Variants in SLC25A6 observed in about 807,000 individuals in gnomAD.
SLC25A6 encodes the protein solute carrier family 25 member 6, also known as ADP/ATP translocase 3.
In SLC25A6, 9 loss-of-function variants were observed where a neutral mutation model predicts 25.7. The observed-to-expected ratio is 0.35, with a 90% CI of 0.21 to 0.61. SLC25A6 has a LOEUF of 0.61. Ranked by LOEUF, SLC25A6 falls within the 20% of genes least tolerant of loss-of-function variation. The pLI, the probability that SLC25A6 is intolerant of heterozygous loss-of-function variation, is 0.76. For synonymous variants in SLC25A6, 223 were observed against 197.0 expected, an observed-to-expected ratio of 1.13 and a Z score of -1.11; for missense variants, 404 against 440.5, an observed-to-expected ratio of 0.92 and a Z score of 0.74.
rs750914630 is a variant in SLC25A6, at chrX:1,389,541, G to C, written c.298C>G (p.Leu100Val). 1.2e-6 allele frequency: 2 copies of C among 1,614,196 alleles called. No homozygotes were observed. The highest frequency in any genetic ancestry group is 2.2e-5 in the East Asian group (1 of 44,876). The change falls in exon 2 of 4, where the codon CTG becomes GTG. Residue 100 changes from leucine (L) to valine (V), a missense_variant. Physicochemically the swap from Leu to Val is conservative, Grantham distance 32. Transcript: ENST00000381401. The part of the protein sequence containing the change: ...AFKDKYKQIF[L>V]GGVDKHTQFW... ...TGCGTGTGCTTGTCCACGCCCCCCA[G>C]GAAGATCTGCTTGTACTTATCCTTG...
intron 1 of SLC25A6, among the ~76,000 whole-genome samples, chrX:1,391,675 T>C (rs1160416614): frequency 6.6e-6 from 1 of 152,198 alleles, no homozygotes; most frequent in African/African-American, 2.4e-5. Flanking sequence ...CGTGCCGCAT[T>C]TCCCCCCGCC....
In SLC25A6 at chrX:1,386,703, C is replaced by G. The variant is rs746428369; in HGVS notation, c.796G>C (p.Gly266Arg). The G allele has an allele frequency of 1.9e-6, 3 of 1,612,756 alleles. No homozygotes were observed. Among genetic ancestry groups the G allele is most frequent in the Admixed American group, 3.3e-5 (2 of 59,894 alleles). Residue 266 changes from glycine (G) to arginine (R), a missense_variant, in exon 4 of 4, where the codon GGG becomes CGG. Transcript: ENST00000381401. ...GCACCCTTGAAGAAGGCCTTGCCCC[C>G]CTCATCTCTGAAGATCTTCCTCCAA... ...DCWRKIFRDE[G>R]GKAFFKGAWS...
At chrX:1,387,220 T>C (rs4933151) in intron 3 of SLC25A6, 59 bp downstream of exon 3, 914,559 of 1,591,970 alleles carry the variant, frequency 0.57, 267,068 homozygotes, top group African/African-American at 0.76. Flanking sequence ...CCCACGGGCC[T>C]AGGGCAAGGA....
intron 2 of SLC25A6, among the ~76,000 whole-genome samples, chrX:1,387,834 A>G (rs1220582096): frequency 1.3e-5 from 2 of 152,178 alleles, no homozygotes; most frequent in Non-Finnish European, 1.5e-5. Flanking sequence ...GTAAGACTAA[A>G]GGAGGCCAGT....
In SLC25A6 at chrX:1,386,634, C is replaced by G. The variant is rs1395775351; in HGVS notation, c.865G>C (p.Val289Leu). 7 of 1,596,442 alleles carry G rather than the reference C, an allele frequency of 4.4e-6. No individual in the cohort carries two copies. The highest frequency in any genetic ancestry group is 5.1e-6 in the Non-Finnish European group (6 of 1,171,592). ...LRGMGGAFVL[V>L]LYDELKKVI ...ACCTTCTTGAGCTCGTCGTACAGGA[C>G]CAGCACGAAGGCGCCCCCCATGCCC... The change falls in exon 4 of 4, where the codon GTC (valine) becomes CTC (leucine). Residue 289 changes from valine (V) to leucine (L), a missense_variant. Transcript: ENST00000381401.
chrX:1,391,671 G>A (rs773139894), intron 1 of SLC25A6, among the ~76,000 whole-genome samples: 49 of 152,348 alleles, frequency 3.2e-4, no homozygotes, highest in African/African-American at 1.1e-3. Flanking sequence ...AATCCGTGCC[G>A]CATTTCCCCC....
At chrX:1,386,918 C>T (rs1395457907) in intron 3 of SLC25A6, among the ~76,000 whole-genome samples, 159 bp from the exon 4 acceptor site, 1 of 152,100 alleles carries the variant, frequency 6.6e-6, no homozygotes, top group Non-Finnish European at 1.5e-5. Context: ...CAGCTCAAGC[C>T]CTCCTCCTAA....
intron 1 of SLC25A6, among the ~76,000 whole-genome samples, 159 bp from the exon 2 acceptor site, chrX:1,389,886 TAGCTGGG>T (rs2089379066): frequency 6.6e-6 from 1 of 151,916 alleles, no homozygotes; most frequent in Non-Finnish European, 1.5e-5. Context: ...GCCTCCCGAG[TAGCTGGG>T]ACTATAGGCG....
At chrX:1,390,506 A>T (rs2089388476) in intron 1 of SLC25A6, among the ~76,000 whole-genome samples, 1 of 150,738 alleles carries the variant, frequency 6.6e-6, no homozygotes, top group Admixed American at 6.7e-5. Flanking sequence ...TGAACCCAGG[A>T]GGCGGAGGCT....
intron 2 of SLC25A6, among the ~76,000 whole-genome samples, chrX:1,388,509 C>T (rs1156505821): frequency 1.3e-5 from 2 of 151,502 alleles, no homozygotes; most frequent in South Asian, 2.1e-4. Flanking sequence ...GAATCAATGT[C>T]TGTTGTTTCT....
intron 1 of SLC25A6, among the ~76,000 whole-genome samples, chrX:1,391,625 C>G (rs1424797448): frequency 4.6e-5 from 7 of 152,242 alleles, no homozygotes; most frequent in Non-Finnish European, 1.0e-4. Context: ...CCGCAGGGTC[C>G]GTCCATGGGC....
rs1308946407 is a variant in SLC25A6 at position 1,392,083 on chromosome X, G to A, written c.-74C>T. On this transcript the variant is annotated 5_prime_UTR_variant, in exon 1 of 4. Coordinates refer to ENST00000381401, the MANE Select transcript of SLC25A6 (RefSeq NM_001636.4). ...GGAGAGTGAATGGAGGGCGTCGCTG[G>A]CTCAGCCCTGCCGCCGCCTGGACCG... 9.0e-6 allele frequency: 10 copies of A among 1,116,448 alleles called. No homozygotes were observed. The highest frequency in any genetic ancestry group is 1.2e-5 in the Non-Finnish European group (9 of 761,002). 69.2% of individuals were successfully genotyped at this position (1,116,448 alleles called of 1,614,324 possible).
At chrX:1,387,528 C>A in intron 2 of SLC25A6, 109 bp from the exon 3 acceptor site, 4 of 1,482,058 alleles carry the variant, frequency 2.7e-6, no homozygotes, top group Non-Finnish European at 3.6e-6. Context: ...CGAGCTCTTC[C>A]GAGACCACCA....
rs1478291626 is a variant in SLC25A6 at position 1,389,322 on chromosome X, G to A, written c.517C>T (p.Leu173=). The A allele has an allele frequency of 1.2e-6, 2 of 1,613,788 alleles. No individual in the cohort carries two copies. The highest frequency in any genetic ancestry group is 1.7e-6 in the Non-Finnish European group (2 of 1,179,874). Residue 173 remains leucine (L), a synonymous_variant, in exon 2 of 4, where the codon CTG becomes TTG. Coordinates refer to ENST00000381401, the MANE Select transcript of SLC25A6 (RefSeq NM_001636.4). ...KITKSDGIRG[L]YQGFSVSVQG... ...ACGGAGACACTGAAGCCCTGGTACA[G>A]GCCCCGGATGCCGTCGGACTTGGTG...
chrX:1,389,553 T>C lies in SLC25A6; in HGVS notation c.286A>G (p.Lys96Glu). The C allele has an allele frequency of 2.5e-6, 4 of 1,614,198 alleles. No individual in the cohort carries two copies. The highest frequency in any genetic ancestry group is 3.4e-6 in the Non-Finnish European group (4 of 1,180,034). Reference sequence around the variant, plus strand: ...TCCACGCCCCCCAGGAAGATCTGCTTGTACTTATCCTTGAAGGCGAAGTTG... The same window carrying C: ...TCCACGCCCCCCAGGAAGATCTGCTCGTACTTATCCTTGAAGGCGAAGTTG... ...ALNFAFKDKY[K>E]QIFLGGVDKH... is the part of the protein sequence containing the mutation. Residue 96 changes from lysine (K) to glutamate (E), a missense_variant, in exon 2 of 4, where the codon AAG becomes GAG. Coordinates refer to ENST00000381401, the MANE Select transcript of SLC25A6 (RefSeq NM_001636.4).
rs1253604934 is a variant in SLC25A6, at chrX:1,386,610, C to T, written c.889G>A (p.Val297Met). 6 of 1,572,028 alleles carry T rather than the reference C, an allele frequency of 3.8e-6. No homozygotes were observed. In the Admixed American group the frequency reaches 7.6e-5, roughly 20 times the overall value. ...VLVLYDELKK[V>M]I The stretch of plus-strand genomic sequence containing the variant: ...GGAGGAGGCCGCGGCCCTTAGATCA[C>T]CTTCTTGAGCTCGTCGTACAGGACC... Residue 297 changes from valine to methionine, a missense_variant, in exon 4 of 4, where the codon GTG becomes ATG. Val to Met is a conservative substitution (Grantham distance 21). Coordinates refer to ENST00000381401, the MANE Select transcript of SLC25A6 (RefSeq NM_001636.4).
At chrX:1,391,355 C>G (rs1473554641) in intron 1 of SLC25A6, among the ~76,000 whole-genome samples, 1 of 152,166 alleles carries the variant, frequency 6.6e-6, no homozygotes, top group African/African-American at 2.4e-5. Context: ...ATGCTACTTT[C>G]TATAAGCCTC....
chrX:1,387,266 C>A lies in SLC25A6; in HGVS notation c.739+13G>T, dbSNP rs758284911. The A allele has an allele frequency of 1.9e-6, 3 of 1,605,392 alleles. No individual in the cohort carries two copies. The highest frequency in any genetic ancestry group is 2.2e-5 in the East Asian group (1 of 44,790). ...CCTTCCCGGCAGCAAGGGTCCCCCG[C>A]CCCCCCGAGTACCTCCTTTGCGCCC... On this transcript the variant is annotated intron_variant, in intron 3 of 3. Coordinates refer to ENST00000381401, the MANE Select transcript of SLC25A6 (RefSeq NM_001636.4).
At position 1,391,341 on chromosome X, in the gene SLC25A6, C is replaced by T. The variant is rs144844958; in HGVS notation, c.111+558G>A. The stretch of plus-strand genomic sequence containing the variant: ...ACGTCCTGGCGGCAATGTTCCTAGG[C>T]ATCATGCTACTTTCTATAAGCCTCT... On this transcript the variant is annotated intron_variant, in intron 1 of 3. Coordinates refer to ENST00000381401, the MANE Select transcript of SLC25A6 (RefSeq NM_001636.4). Among the ~76,000 whole-genome samples the T allele has an allele frequency of 4.2e-3, 635 of 152,306 alleles. 6 individuals are homozygous for T. Among genetic ancestry groups the T allele is most frequent in the African/African-American group, 0.014 (587 of 41,558 alleles).
Sources: gnomAD v4.1 joint callset for allele counts (sites outside exome capture counted in the v4.1 genomes callset) on GRCh38, gnomAD v4.1.1 for gene constraint, MANE v1.5 for transcripts, NCBI Gene and HGNC (gene_info 2026-07-23, HGNC 2026-07-21) for gene names.